Variants in CALB1 observed in about 807,000 individuals in gnomAD.
The protein encoded by CALB1 is calbindin 1.
A neutral mutation model predicts 46.7 loss-of-function variants in CALB1; 16 were observed. The ratio of observed to expected loss-of-function variants is 0.34; its 90% confidence interval spans 0.23 to 0.52. CALB1 has a LOEUF of 0.52. Ranked by LOEUF, CALB1 falls within the 20% of genes least tolerant of loss-of-function variation. The pLI, the probability that CALB1 is intolerant of heterozygous loss-of-function variation, is 0.95. For synonymous variants in CALB1, 90 were observed against 112.8 expected, an observed-to-expected ratio of 0.80 and a Z score of 1.28; for missense variants, 224 against 300.3, an observed-to-expected ratio of 0.75 and a Z score of 1.88.
chr8:90,074,084 T>A (rs137886756), intron 3 of CALB1, among the ~76,000 whole-genome samples: 160 of 152,272 alleles, frequency 1.1e-3, no homozygotes, highest in African/African-American at 3.8e-3. Flanking sequence ...TCCAGGAAAT[T>A]TGAAAGGTAA....
At chr8:90,063,013 G>T in intron 9 of CALB1, 87 bp downstream of exon 9, 1 of 885,858 alleles carries the variant, frequency 1.1e-6, no homozygotes, top group South Asian at 1.5e-5. Context: ...TTGCAGTACT[G>T]TATTTTATAC....
chr8:90,074,206 G>GT (rs1814581437), intron 3 of CALB1, among the ~76,000 whole-genome samples: 1 of 152,156 alleles, frequency 6.6e-6, no homozygotes, highest in African/African-American at 2.4e-5. Context: ...CGATTTTGTA[G>GT]TAAGTTATTT....
chr8:90,060,952 T>G, intron 9 of CALB1: 1 of 446,530 alleles, frequency 2.2e-6, no homozygotes. Context: ...CACATGTAAT[T>G]CACTTAATGT....
At chr8:90,071,892 C>A (rs1814526962) in intron 3 of CALB1, among the ~76,000 whole-genome samples, 1 of 152,132 alleles carries the variant, frequency 6.6e-6, no homozygotes, top group African/African-American at 2.4e-5. Flanking sequence ...TTCCTCTAGA[C>A]CATTAATTTC....
At position 90,082,166 on chromosome 8, in the gene CALB1, T is replaced by C. The variant is rs978672221; in HGVS notation, c.80-64A>G. 14 of 1,405,542 alleles carry C rather than the reference T, an allele frequency of 1.0e-5. No individual in the cohort carries two copies. The African/African-American group carries it at 1.6e-4, about 16-fold the overall frequency. 87.1% of individuals were successfully genotyped at this position (1,405,542 alleles called of 1,614,324 possible). On this transcript the variant is annotated intron_variant, in intron 1 of 10. Coordinates refer to ENST00000265431, the MANE Select transcript of CALB1 (RefSeq NM_004929.4). ...ATTCCAAGTGTCTTTCCCGTTCACT[T>C]TCCAAGACAGTTATCTTTCTGGCGA...
chr8:90,062,099 T>C (rs1814311494), intron 9 of CALB1: 1 of 152,054 alleles, frequency 6.6e-6, no homozygotes, highest in Non-Finnish European at 1.5e-5. Flanking sequence ...AGGATAGCTT[T>C]TTTCAACAAA....
chr8:90,063,033 G>A lies in CALB1; in HGVS notation c.600+67C>T, dbSNP rs533715376. 1.4e-4 allele frequency: 163 copies of A among 1,127,164 alleles called. 2 individuals carry two copies. The South Asian group carries it at 2.2e-3, about 15-fold the overall frequency. The allele number at this position is 1,127,164 out of a possible 1,614,324, so 69.8% of individuals were successfully genotyped here. A position where few individuals can be genotyped will look rare whatever the true frequency, so the allele number is the denominator to read the frequency against. ...GTACTGTATTTTATACTTAAATTTT[G>A]TTAAGAGGATCTTATGTTGTGTTCT... On this transcript the variant is annotated intron_variant, in intron 9 of 10. Coordinates refer to ENST00000265431, the MANE Select transcript of CALB1 (RefSeq NM_004929.4).
chr8:90,067,909 G>T (rs1586179815), intron 5 of CALB1, among the ~76,000 whole-genome samples: 1 of 152,182 alleles, frequency 6.6e-6, no homozygotes, highest in South Asian at 2.1e-4. Flanking sequence ...GATAATACCT[G>T]CCTTGCATAT....
chr8:90,062,005 G>A (rs966762992), intron 9 of CALB1: 11 of 151,908 alleles, frequency 7.2e-5, no homozygotes, highest in African/African-American at 9.7e-5. Flanking sequence ...AACAAAAATC[G>A]AAACATAGAC....
chr8:90,077,319 A>T (rs1257599892), intron 3 of CALB1, among the ~76,000 whole-genome samples: 1 of 152,014 alleles, frequency 6.6e-6, no homozygotes, highest in Admixed American at 6.6e-5. Flanking sequence ...TATTTGTATC[A>T]GCTGTTTAAA....
chr8:90,062,336 C>T (rs1296881589), intron 9 of CALB1: 1 of 151,870 alleles, frequency 6.6e-6, no homozygotes, highest in South Asian at 2.1e-4. Context: ...CAAAAATAGA[C>T]AAGCGAGACT....
chr8:90,080,133 A>G (rs942318972), intron 2 of CALB1, among the ~76,000 whole-genome samples: 7 of 151,986 alleles, frequency 4.6e-5, no homozygotes, highest in African/African-American at 1.7e-4. Flanking sequence ...AAAATGCTCA[A>G]GAATCAAGGT....
Position 90,063,261 on chromosome 8 carries a change from G to T in CALB1, c.546+20C>A. On this transcript the variant is annotated intron_variant, in intron 8 of 10. Transcript: ENST00000265431. ...GCTTTTCAAGGAAAATATTATTTAAGGTAGTAAAAAGTTAAGTACCTGGAA... is the reference window on the plus strand; with the variant it reads ...GCTTTTCAAGGAAAATATTATTTAATGTAGTAAAAAGTTAAGTACCTGGAA... The T allele has an allele frequency of 6.3e-7, 1 of 1,576,988 alleles. No individual in the cohort carries two copies.
chr8:90,079,520 C>G (rs1029143563), intron 2 of CALB1, among the ~76,000 whole-genome samples: 1 of 151,778 alleles, frequency 6.6e-6, no homozygotes, highest in African/African-American at 2.4e-5. Flanking sequence ...AATATCAGGT[C>G]CTACAGTTTT....
At chr8:90,072,333 A>G (rs966578934) in intron 3 of CALB1, among the ~76,000 whole-genome samples, 1 of 152,210 alleles carries the variant, frequency 6.6e-6, no homozygotes, top group Non-Finnish European at 1.5e-5. Context: ...CTTCATGTCT[A>G]CTATAAATGT....
chr8:90,082,863 T>C lies in CALB1; in HGVS notation c.-166A>G. ...TCGGTGCTGCTCAGCTCAGCGTTCCTCCAGAGTTCTCTCCCTACACCCCGC... is the reference window on the plus strand; with the variant it reads ...TCGGTGCTGCTCAGCTCAGCGTTCCCCCAGAGTTCTCTCCCTACACCCCGC... On this transcript the variant is annotated 5_prime_UTR_variant, in exon 1 of 11. Transcript: ENST00000265431. The C allele has an allele frequency of 1.5e-6, 1 of 650,888 alleles. No homozygotes were observed. Among genetic ancestry groups the C allele is most frequent in the South Asian group, 1.7e-5 (1 of 57,238 alleles). The allele number at this position is 650,888 out of a possible 1,614,324, so 40.3% of individuals were successfully genotyped here.
intron 2 of CALB1, among the ~76,000 whole-genome samples, chr8:90,080,012 C>T (rs1370890694): frequency 6.6e-6 from 1 of 151,856 alleles, no homozygotes; most frequent in Admixed American, 6.6e-5. Context: ...TATAATGAAA[C>T]ATGTATCTAC....
intron 3 of CALB1, among the ~76,000 whole-genome samples, chr8:90,074,063 T>C (rs1303299238): frequency 6.6e-6 from 1 of 151,994 alleles, no homozygotes; most frequent in East Asian, 1.9e-4. Context: ...CCCTAGCCAG[T>C]GAGAAGTGAG....
rs866190755 is a variant in CALB1 at position 90,073,301 on chromosome 8, T to C, written c.232-4064A>G. Among the ~76,000 whole-genome samples the C allele has an allele frequency of 8.5e-5, 13 of 152,272 alleles. 1 individual carries two copies. The Middle Eastern group carries it at 0.01, about 120-fold the overall frequency. ...TCCCTTCAAGTGCTGGGAGTGTTGC[T>C]GCAGCCTCACCTGTGAGGCCCCATT... On this transcript the variant is annotated intron_variant, in intron 3 of 10. Transcript: ENST00000265431.
Sources: gnomAD v4.1 joint callset for allele counts (sites outside exome capture counted in the v4.1 genomes callset) on GRCh38, gnomAD v4.1.1 for gene constraint, MANE v1.5 for transcripts, NCBI Gene and HGNC (gene_info 2026-07-23, HGNC 2026-07-21) for gene names.